The following KCNA2 variants were observed in gnomAD, a reference collection of about 807,000 sequenced individuals.
KCNA2 encodes potassium channel, voltage gated shaker related subfamily A, member 2.
KCNA2 carries 11 observed loss-of-function variants against 33.4 expected under a neutral mutation model. The observed-to-expected ratio is 0.33, with a 90% confidence interval of 0.21 to 0.55. KCNA2 has a LOEUF of 0.55. Among genes scored for constraint, KCNA2 ranks in the 20% least tolerant of loss-of-function variants. KCNA2 has a pLI of 0.93. For missense variants in KCNA2, 291 were observed against 621.6 expected (o/e 0.47, Z 5.66); for synonymous variants, 222 against 231.3 (o/e 0.96, Z 0.37).
At position 110,593,831 on chromosome 1, in the gene KCNA2, C is replaced by T; in HGVS notation, c.*9452G>A. 2 of 1,545,876 alleles carry T rather than the reference C, an allele frequency of 1.3e-6. No individual in the cohort carries two copies. Among genetic ancestry groups the T allele is most frequent in the Non-Finnish European group, 1.7e-6 (2 of 1,144,602 alleles). On this transcript the variant is annotated 3_prime_UTR_variant, in exon 3 of 3. Coordinates refer to ENST00000316361, the MANE Select transcript of KCNA2 (RefSeq NM_004974.4). Reference sequence around the variant, plus strand: ...ACAGGAACTCTCAGCTGCAGAAGTCCTGGGTGGGGCAGTGTTGGTGGGGCT... The same window carrying T: ...ACAGGAACTCTCAGCTGCAGAAGTCTTGGGTGGGGCAGTGTTGGTGGGGCT...
chr1:110,595,485 C>T lies in KCNA2; in HGVS notation c.*7798G>A. Reference sequence around the variant, plus strand: ...TGGGTGTGGGGAGATGGCAGACACCCCTGCACCACTTCAATTGCTCCAGAT... The same window carrying T: ...TGGGTGTGGGGAGATGGCAGACACCTCTGCACCACTTCAATTGCTCCAGAT... On this transcript the variant is annotated 3_prime_UTR_variant, in exon 3 of 3. Transcript: ENST00000316361. 1.0e-6 allele frequency: 1 copy of T among 985,408 alleles called. No homozygotes were observed. Among genetic ancestry groups the T allele is most frequent in the Non-Finnish European group, 1.2e-6 (1 of 829,956 alleles). 61.0% of individuals were successfully genotyped at this position (985,408 alleles called of 1,614,324 possible).
At chr1:110,610,981 G>C (rs922759166), upstream of KCNA2, among the ~76,000 whole-genome samples, 1 of 151,662 alleles carries the variant, frequency 6.6e-6, no homozygotes, top group East Asian at 1.9e-4. Flanking sequence ...CACTAGCCCC[G>C]CCCACCCCCT....
chr1:110,624,708 ATGTTGAGATTG>A (rs1650347807), intron 1 of KCNA2, among the ~76,000 whole-genome samples: 1 of 152,224 alleles, frequency 6.6e-6, no homozygotes, highest in African/African-American at 2.4e-5. Context: ...AAAAATGGTT[ATGTTGAGATTG>A]TGTTGCGAGT....
chr1:110,609,544 G>T (rs963808818), upstream of KCNA2, among the ~76,000 whole-genome samples: 9 of 152,130 alleles, frequency 5.9e-5, no homozygotes, highest in African/African-American at 1.9e-4. Flanking sequence ...TGTGCCCTTA[G>T]CCCCCACACC....
intron 1 of KCNA2, among the ~76,000 whole-genome samples, chr1:110,616,851 T>C (rs1650083258): frequency 6.6e-6 from 1 of 152,232 alleles, no homozygotes; most frequent in Non-Finnish European, 1.5e-5. Flanking sequence ...TAAATACTAG[T>C]TCCTTCCCTA....
At position 110,601,790 on chromosome 1, in the gene KCNA2, A is replaced by ATGTGTGTGTGTG. The variant is rs1450678948; in HGVS notation, c.*1492_*1493insCACACACACACA. 14 of 1,163,670 alleles carry ATGTGTGTGTGTG rather than the reference A, an allele frequency of 1.2e-5. No homozygotes were observed. The African/African-American group carries it at 2.2e-4, about 18-fold the overall frequency. 72.1% of individuals were successfully genotyped at this position (1,163,670 alleles called of 1,614,324 possible). On this transcript the variant is annotated 3_prime_UTR_variant, in exon 3 of 3. Transcript: ENST00000316361. ...CTCCAGAAAATGAATATATATATAT[A>ATGTGTGTGTGTG]TATATGTGTGTGTGTGTGTGTGTGT... is the stretch of plus-strand genomic sequence containing the variant.
In KCNA2 at chr1:110,593,742, T is replaced by G; in HGVS notation, c.*9541A>C. On this transcript the variant is annotated 3_prime_UTR_variant, in exon 3 of 3. Coordinates refer to ENST00000316361, the MANE Select transcript of KCNA2 (RefSeq NM_004974.4). ...CCCATGATCAGGTGGACAGGCAATG[T>G]TCATTGAGGCACATATGTACACATA... 1.2e-6 allele frequency: 1 copy of G among 844,408 alleles called. No individual in the cohort carries two copies. Among genetic ancestry groups the G allele is most frequent in the African/African-American group, 1.7e-5 (1 of 57,512 alleles). 52.3% of individuals were successfully genotyped at this position (844,408 alleles called of 1,614,324 possible).
At chr1:110,611,401 C>CA (rs1426406875) in intron 1 of KCNA2, among the ~76,000 whole-genome samples, 1 of 152,202 alleles carries the variant, frequency 6.6e-6, no homozygotes, top group African/African-American at 2.4e-5. Context: ...TGAGCTGCTA[C>CA]ACACTCATCC....
chr1:110,602,032 G>T lies in KCNA2; in HGVS notation c.*1251C>A. 1 of 1,550,340 alleles carries T rather than the reference G, an allele frequency of 6.5e-7. No individual in the cohort carries two copies. Among genetic ancestry groups the T allele is most frequent in the Non-Finnish European group, 8.7e-7 (1 of 1,146,888 alleles). On this transcript the variant is annotated 3_prime_UTR_variant, in exon 3 of 3. Transcript: ENST00000316361. ...TTATATACACTGGATCCACAGACCT[G>T]CCTGTCATCAGGACCAGATGCCCTG...
At chr1:110,610,693 CA>C (rs1273901512), upstream of KCNA2, among the ~76,000 whole-genome samples, 5 of 152,204 alleles carry the variant, frequency 3.3e-5, no homozygotes, top group Non-Finnish European at 7.3e-5. Context: ...CCTCTGGGCT[CA>C]ATTTCTGGTC....
intron 1 of KCNA2, among the ~76,000 whole-genome samples, chr1:110,627,151 G>A (rs1180000071): frequency 2.6e-5 from 4 of 152,180 alleles, no homozygotes; most frequent in Non-Finnish European, 5.9e-5. Context: ...TTCGTGTCTA[G>A]GGTCAGACAG....
At chr1:110,618,178 C>CA (rs1650131136) in intron 1 of KCNA2, among the ~76,000 whole-genome samples, 1 of 152,070 alleles carries the variant, frequency 6.6e-6, no homozygotes, top group African/African-American at 2.4e-5. Context: ...CCTGTCTCTA[C>CA]AAAAAATAAT....
rs1375735825 is a variant in KCNA2 at position 110,600,005 on chromosome 1, C to T, written c.*3278G>A. On this transcript the variant is annotated 3_prime_UTR_variant, in exon 3 of 3. Transcript: ENST00000316361. ...CTTGATGTGGTGGCCCATCCTCCTG[C>T]TTGAAACCTAGGAGTTACTTCTCAG... is the stretch of plus-strand genomic sequence containing the variant. 1 of 984,978 alleles carries T rather than the reference C, an allele frequency of 1.0e-6. No homozygotes were observed. The highest frequency in any genetic ancestry group is 1.1e-4 in the East Asian group (1 of 8,810). The allele number at this position is 984,978 out of a possible 1,614,324, so 61.0% of individuals were successfully genotyped here.
rs1270659795 is a variant in KCNA2, at chr1:110,600,802, A to G, written c.*2481T>C. On this transcript the variant is annotated 3_prime_UTR_variant, in exon 3 of 3. Coordinates refer to ENST00000316361, the MANE Select transcript of KCNA2 (RefSeq NM_004974.4). ...GAAGCACAGAGGCTTTGTGCTGGGC[A>G]TGGGATGCCCTGCAGATACCTGGGG... 8.1e-6 allele frequency: 8 copies of G among 985,306 alleles called. No individual in the cohort carries two copies. The highest frequency in any genetic ancestry group is 9.6e-6 in the Non-Finnish European group (8 of 829,938). The allele number at this position is 985,306 out of a possible 1,614,324, so 61.0% of individuals were successfully genotyped here. A position where few individuals can be genotyped will look rare whatever the true frequency, so the allele number is the denominator to read the frequency against.
At chr1:110,612,537 C>T (rs1649909429) in intron 1 of KCNA2, among the ~76,000 whole-genome samples, 1 of 152,138 alleles carries the variant, frequency 6.6e-6, no homozygotes, top group Non-Finnish European at 1.5e-5. Flanking sequence ...CTCTCTGATT[C>T]CCTCTCCCTC....
upstream of KCNA2, among the ~76,000 whole-genome samples, chr1:110,608,722 G>C (rs1400691339): frequency 1.3e-5 from 2 of 152,156 alleles, no homozygotes; most frequent in African/African-American, 2.4e-5. Flanking sequence ...GTCAGTGAAC[G>C]GCTTGGGTGT....
chr1:110,615,693 G>A (rs1447926102), intron 1 of KCNA2, among the ~76,000 whole-genome samples: 1 of 152,248 alleles, frequency 6.6e-6, no homozygotes, highest in Non-Finnish European at 1.5e-5. Context: ...AGACAAGTGA[G>A]GAGGTGGCTA....
intron 1 of KCNA2, among the ~76,000 whole-genome samples, chr1:110,619,407 T>C (rs1368363643): frequency 6.6e-6 from 1 of 152,222 alleles, no homozygotes; most frequent in African/African-American, 2.4e-5. Context: ...TGAAATCTGC[T>C]CCCACTCCCA....
chr1:110,605,198 C>T (rs1649544425), intron 2 of KCNA2, among the ~76,000 whole-genome samples, 193 bp downstream of exon 2: 1 of 152,222 alleles, frequency 6.6e-6, no homozygotes, highest in South Asian at 2.1e-4. Flanking sequence ...GCTTGTAGCA[C>T]ACAGGCTTCA....
Sources: gnomAD v4.1 joint callset for allele counts (sites outside exome capture counted in the v4.1 genomes callset) on GRCh38, gnomAD v4.1.1 for gene constraint, MANE v1.5 for transcripts, NCBI Gene and HGNC (gene_info 2026-07-23, HGNC 2026-07-21) for gene names.